Variants in KCNH7 observed in about 807,000 individuals in gnomAD.
KCNH7 encodes voltage-gated inwardly rectifying potassium channel KCNH7.
Under a neutral mutation model 120.8 loss-of-function variants are expected in KCNH7, and 49 were observed. The observed-to-expected ratio is 0.41, with a 90% CI of 0.32 to 0.51. The LOEUF is 0.51. Among genes scored for constraint, KCNH7 ranks in the 20% least tolerant of loss-of-function variants. The pLI is 0.38. For synonymous variants in KCNH7, 547 were observed against 516.1 expected (o/e 1.06, Z -0.81); for missense variants, 1,097 against 1,446.6 (o/e 0.76, Z 3.92).
intron 2 of KCNH7, among the ~76,000 whole-genome samples, chr2:162,722,201 T>C (rs771947353): frequency 5.9e-5 from 9 of 152,006 alleles, no homozygotes; most frequent in Non-Finnish European, 1.3e-4. Flanking sequence ...AATAGCATAG[T>C]AAGTGTACTC....
At chr2:162,738,918 A>G (rs1688017672) in intron 2 of KCNH7, among the ~76,000 whole-genome samples, 1 of 152,136 alleles carries the variant, frequency 6.6e-6, no homozygotes, top group South Asian at 2.1e-4. Flanking sequence ...CATCATTTTC[A>G]TGAAGTCTAA....
At position 162,598,824 on chromosome 2, in the gene KCNH7, T is replaced by C. The variant is rs377482820; in HGVS notation, c.308-61744A>G. Among the ~76,000 whole-genome samples, 24 of 152,284 alleles carry C rather than the reference T, an allele frequency of 1.6e-4. 1 individual carries two copies. The highest frequency in any genetic ancestry group is 1.4e-3 in the East Asian group (7 of 5,176). On this transcript the variant is annotated intron_variant, in intron 2 of 15. Coordinates refer to ENST00000332142, the MANE Select transcript of KCNH7 (RefSeq NM_033272.4). ...GGAATATAAGCATTATAAAGGAATG[T>C]CACACATTCTTTGTGGTGTTCTATA...
At chr2:162,386,575 T>A (rs571891322) in intron 12 of KCNH7, among the ~76,000 whole-genome samples, 5 of 151,812 alleles carry the variant, frequency 3.3e-5, no homozygotes, top group Non-Finnish European at 7.4e-5. Context: ...GATATTTGAA[T>A]CAGCTCAGGC....
intron 2 of KCNH7, among the ~76,000 whole-genome samples, chr2:162,822,035 G>T (rs533608168): frequency 6.7e-6 from 1 of 150,228 alleles, no homozygotes; most frequent in South Asian, 2.2e-4. Context: ...TTGAGTTTCA[G>T]TGTTCAAAAT....
At chr2:162,535,230 T>G (rs367982777) in intron 3 of KCNH7, among the ~76,000 whole-genome samples, 1 of 151,722 alleles carries the variant, frequency 6.6e-6, no homozygotes, top group African/African-American at 2.4e-5. Flanking sequence ...TTGGAGGTAA[T>G]AGCCAGCACA....
At chr2:162,817,483 T>C (rs1220521703) in intron 2 of KCNH7, among the ~76,000 whole-genome samples, 3 of 152,106 alleles carry the variant, frequency 2.0e-5, no homozygotes, top group African/African-American at 7.2e-5. Flanking sequence ...GACTTTTAGG[T>C]TGTTTCCAGA....
chr2:162,660,740 G>A (rs868155247), intron 2 of KCNH7, among the ~76,000 whole-genome samples: 22 of 152,228 alleles, frequency 1.4e-4, no homozygotes, highest in African/African-American at 4.8e-4. Context: ...TTTATACACT[G>A]TCAAACAAAC....
chr2:162,688,937 A>C (rs1311978751), intron 2 of KCNH7, among the ~76,000 whole-genome samples: 1 of 151,814 alleles, frequency 6.6e-6, no homozygotes, highest in Non-Finnish European at 1.5e-5. Context: ...GTAACTTTTG[A>C]GCCTCAATTT....
chr2:162,795,446 A>G (rs944267505), intron 2 of KCNH7: 1 of 152,000 alleles, frequency 6.6e-6, no homozygotes, highest in Non-Finnish European at 1.5e-5. Context: ...TTCTCTGGTT[A>G]AAGTATGGTG....
At chr2:162,596,800 G>A (rs941256020) in intron 2 of KCNH7, among the ~76,000 whole-genome samples, 27 of 151,898 alleles carry the variant, frequency 1.8e-4, no homozygotes, top group African/African-American at 6.5e-4. Context: ...TTTGCAAACT[G>A]TCCATCTGGT....
intron 2 of KCNH7, among the ~76,000 whole-genome samples, chr2:162,628,228 A>T (rs1013537641): frequency 1.3e-5 from 2 of 152,154 alleles, no homozygotes; most frequent in East Asian, 1.9e-4. Flanking sequence ...AAATGAACAC[A>T]TGGAAAAAGG....
intron 2 of KCNH7, among the ~76,000 whole-genome samples, chr2:162,804,199 C>T (rs1684450918): frequency 6.6e-6 from 1 of 151,814 alleles, no homozygotes; most frequent in African/African-American, 2.4e-5. Context: ...TGCCCACTTT[C>T]ACCACTTCTA....
intron 2 of KCNH7, among the ~76,000 whole-genome samples, chr2:162,659,966 A>G (rs969256584): frequency 6.6e-6 from 1 of 152,130 alleles, no homozygotes; most frequent in Admixed American, 6.5e-5. Context: ...AGGAATGTGT[A>G]GTGATGTCTC....
intron 2 of KCNH7, among the ~76,000 whole-genome samples, chr2:162,723,794 AATTCT>A (rs1049574244): frequency 2.6e-5 from 4 of 152,204 alleles, no homozygotes; most frequent in Admixed American, 2.6e-4. Context: ...GGTGGTGAGG[AATTCT>A]TTTAAAAAGT....
intron 2 of KCNH7, among the ~76,000 whole-genome samples, chr2:162,748,461 T>G (rs994001963): frequency 6.6e-6 from 1 of 152,126 alleles, no homozygotes; most frequent in African/African-American, 2.4e-5. Context: ...GATGAACAAT[T>G]TTTTTTTGTG....
chr2:162,687,878 C>G (rs1035293051), intron 2 of KCNH7, among the ~76,000 whole-genome samples: 9 of 152,066 alleles, frequency 5.9e-5, no homozygotes, highest in Non-Finnish European at 1.3e-4. Flanking sequence ...TAAATAAAAA[C>G]TATGTGTATG....
At chr2:162,722,553 T>C (rs1343701231) in intron 2 of KCNH7, among the ~76,000 whole-genome samples, 1 of 152,080 alleles carries the variant, frequency 6.6e-6, no homozygotes, top group African/African-American at 2.4e-5. Flanking sequence ...CTTTTTACAG[T>C]TTGATAATAA....
chr2:162,428,884 C>T (rs1042295418), intron 8 of KCNH7, among the ~76,000 whole-genome samples: 2 of 151,468 alleles, frequency 1.3e-5, no homozygotes, highest in Non-Finnish European at 3.0e-5. Flanking sequence ...TTTTTTTACT[C>T]TTTATAAGTA....
intron 2 of KCNH7, among the ~76,000 whole-genome samples, chr2:162,558,031 C>G (rs369602454): frequency 7.2e-5 from 11 of 152,138 alleles, no homozygotes; most frequent in African/African-American, 2.4e-4. Flanking sequence ...ATTTCTAAAG[C>G]CCTTTTCCAT....
Sources: gnomAD v4.1 joint callset for allele counts (sites outside exome capture counted in the v4.1 genomes callset) on GRCh38, gnomAD v4.1.1 for gene constraint, MANE v1.5 for transcripts, NCBI Gene and HGNC (gene_info 2026-07-23, HGNC 2026-07-21) for gene names.